The following LARP4B variants were observed in gnomAD, a reference collection of about 807,000 sequenced individuals.
LARP4B encodes the protein la-related protein 4B.
LARP4B carries 12 observed loss-of-function variants against 89.8 expected under a neutral mutation model. That is an observed-to-expected ratio of 0.13 (90% CI 0.09 to 0.22). The LOEUF is 0.22. Ranked by LOEUF, LARP4B falls within the 10% of genes least tolerant of loss-of-function variation. The pLI is 1.00. For missense variants in LARP4B, 757 were observed against 947.7 expected, an observed-to-expected ratio of 0.80 and a Z score of 2.64; for synonymous variants, 367 against 363.3, an observed-to-expected ratio of 1.01 and a Z score of -0.12.
chr10:839,141 G>A (rs892009951), intron 7 of LARP4B, among the ~76,000 whole-genome samples: 3 of 152,184 alleles, frequency 2.0e-5, no homozygotes, highest in South Asian at 2.1e-4. Context: ...CTCAGAGGAC[G>A]TTTAGGTCAG....
intron 5 of LARP4B, among the ~76,000 whole-genome samples, chr10:851,524 C>G (rs1016190885): frequency 6.6e-6 from 1 of 152,122 alleles, no homozygotes. Flanking sequence ...TAACAAACCT[C>G]TACCCAGACT....
chr10:893,651 C>G (rs376538223), intron 1 of LARP4B, among the ~76,000 whole-genome samples: 37 of 152,170 alleles, frequency 2.4e-4, no homozygotes, highest in African/African-American at 8.4e-4. Flanking sequence ...TTCCAGAGCA[C>G]TAGTTAATTA....
intron 3 of LARP4B, among the ~76,000 whole-genome samples, chr10:867,886 A>AAAAAAT (rs1834996788): frequency 1.3e-5 from 2 of 148,692 alleles, no homozygotes; most frequent in African/African-American, 5.0e-5. Flanking sequence ...AAAAAAAAAA[A>AAAAAAT]CTCCAGTGTC....
intron 1 of LARP4B, among the ~76,000 whole-genome samples, chr10:931,111 C>T (rs1005453363): frequency 1.3e-4 from 19 of 150,964 alleles, no homozygotes; most frequent in Non-Finnish European, 2.2e-4. Context: ...AAGCCCCGGC[C>T]CCGGCCTTCC....
downstream of LARP4B, chr10:808,976 A>G (rs1488291505): frequency 6.6e-6 from 1 of 152,260 alleles, no homozygotes; most frequent in African/African-American, 2.4e-5. Context: ...AAGGATTAAT[A>G]GCCTTAACAG....
chr10:948,474 C>T, the LARP4B span, among the ~76,000 whole-genome samples: 2 of 152,220 alleles, frequency 1.3e-5, no homozygotes, highest in Non-Finnish European at 2.9e-5. Context: ...TCTCGAACTC[C>T]TGACCTTAGG....
chr10:829,179 C>A (rs1347469903), intron 11 of LARP4B, among the ~76,000 whole-genome samples: 1 of 152,194 alleles, frequency 6.6e-6, no homozygotes, highest in Non-Finnish European at 1.5e-5. Flanking sequence ...ACGGGCTGTG[C>A]AAGGATTGTG....
At chr10:835,015 G>A (rs899382074) in intron 8 of LARP4B, among the ~76,000 whole-genome samples, 12 of 150,634 alleles carry the variant, frequency 8.0e-5, no homozygotes, top group Non-Finnish European at 1.5e-4. Flanking sequence ...ATGCCAGCCT[G>A]GGTGACAGAG....
At chr10:978,936 C>G in the LARP4B span, among the ~76,000 whole-genome samples, 1 of 151,754 alleles carries the variant, frequency 6.6e-6, no homozygotes, top group Non-Finnish European at 1.5e-5. Flanking sequence ...TTTCCCACCC[C>G]CCCTCCTTAA....
intron 1 of LARP4B, among the ~76,000 whole-genome samples, chr10:916,745 T>G (rs540090118): frequency 6.6e-4 from 100 of 152,332 alleles, no homozygotes; most frequent in African/African-American, 2.4e-3. Context: ...TTGTGCAGAT[T>G]AGAGTGCAGT....
intron 11 of LARP4B, among the ~76,000 whole-genome samples, chr10:827,785 C>T (rs1399490907): frequency 1.3e-5 from 2 of 152,190 alleles, no homozygotes; most frequent in Admixed American, 6.5e-5. Context: ...TTCTTCAACA[C>T]CCAGAGCCTA....
chr10:979,029 G>A, the LARP4B span, among the ~76,000 whole-genome samples: 4 of 151,652 alleles, frequency 2.6e-5, no homozygotes, highest in Non-Finnish European at 5.9e-5. Flanking sequence ...CTCTTTTGAT[G>A]GCAATCTGGC....
intron 5 of LARP4B, among the ~76,000 whole-genome samples, chr10:851,464 G>A (rs1307185821): frequency 2.6e-5 from 4 of 152,154 alleles, no homozygotes; most frequent in Non-Finnish European, 5.9e-5. Context: ...GATTACAGGT[G>A]TGAACCACCA....
the LARP4B span, among the ~76,000 whole-genome samples, chr10:982,824 G>C: frequency 1.2e-4 from 18 of 152,230 alleles, no homozygotes; most frequent in Non-Finnish European, 2.4e-4. Context: ...ATGATCAGCT[G>C]AAACAGACTA....
chr10:938,131 G>A, the LARP4B span, among the ~76,000 whole-genome samples: 1 of 152,030 alleles, frequency 6.6e-6, no homozygotes. Flanking sequence ...TGATCTGCCT[G>A]CCTCAGCCTC....
chr10:862,256 TAAAAAAAA>T (rs10661482), intron 5 of LARP4B, among the ~76,000 whole-genome samples: 7 of 84,396 alleles, frequency 8.3e-5, no homozygotes, highest in Admixed American at 4.1e-4. Context: ...CCACTGAAGT[TAAAAAAAA>T]AAAAAAAAAA....
At chr10:938,862 T>C in the LARP4B span, among the ~76,000 whole-genome samples, 1 of 152,220 alleles carries the variant, frequency 6.6e-6, no homozygotes, top group Non-Finnish European at 1.5e-5. Context: ...ATTCTGCAGT[T>C]ATTTATGAAT....
chr10:949,120 C>G, the LARP4B span, among the ~76,000 whole-genome samples: 2 of 151,918 alleles, frequency 1.3e-5, no homozygotes. Context: ...CCACCAGCCC[C>G]GAGTGAGTGA....
In LARP4B at chr10:825,113, C is replaced by A. The variant is rs367827564; in HGVS notation, c.1436G>T (p.Arg479Leu). The A allele has an allele frequency of 6.2e-7, 1 of 1,614,230 alleles. No homozygotes were observed. The highest frequency in any genetic ancestry group is 1.1e-5 in the South Asian group (1 of 91,088). ...AYAKREAGPG[R>L]VEPGSLESSP... The stretch of plus-strand genomic sequence containing the variant: ...GGATTCGAGACTGCCTGGCTCCACA[C>A]GCCCAGGCCCAGCCTCTCTCTTGGC... The change falls in exon 13 of 18, where the codon CGT (arginine) becomes CTT (leucine). Residue 479 changes from arginine (R) to leucine (L), a missense_variant. Transcript: ENST00000316157.
Sources: allele counts gnomAD v4.1 joint callset (sites outside exome capture counted in the v4.1 genomes callset), GRCh38; gene constraint gnomAD v4.1.1; transcripts MANE v1.5; gene names NCBI Gene and HGNC (gene_info 2026-07-23, HGNC 2026-07-21).